PRKCE: variants seen among roughly 807,000 people sequenced by gnomAD.
PRKCE encodes the protein protein kinase C epsilon, also known as protein kinase C epsilon type.
A neutral mutation model predicts 85.4 loss-of-function variants in PRKCE; 16 were observed. The ratio of observed to expected loss-of-function variants is 0.19; its 90% CI spans 0.13 to 0.28. The LOEUF (loss-of-function observed/expected upper bound fraction) is 0.28. Among genes scored for constraint, PRKCE ranks in the 10% least tolerant of loss-of-function variants. The pLI, the probability that PRKCE is intolerant of heterozygous loss-of-function variation, is 1.00. For synonymous variants in PRKCE, 388 were observed against 371.5 expected (o/e 1.04, Z -0.51); for missense variants, 573 against 975.2 (o/e 0.59, Z 5.49).
chr2:46,009,045 G>A (rs147903156), intron 9 of PRKCE, among the ~76,000 whole-genome samples: 252 of 152,316 alleles, frequency 1.7e-3, no homozygotes, highest in African/African-American at 5.7e-3. Flanking sequence ...GTACTTAGGA[G>A]TTACTTATTT....
At chr2:45,904,333 G>A (rs1254218736) in intron 2 of PRKCE, among the ~76,000 whole-genome samples, 1 of 152,098 alleles carries the variant, frequency 6.6e-6, no homozygotes, top group Non-Finnish European at 1.5e-5. Flanking sequence ...CAAGTTCCCT[G>A]CCTGTGCTGA....
At chr2:46,156,914 C>A (rs547298130) in intron 13 of PRKCE, among the ~76,000 whole-genome samples, 2 of 152,198 alleles carry the variant, frequency 1.3e-5, no homozygotes, top group Non-Finnish European at 2.9e-5. Context: ...ATATATCCTT[C>A]TGGAATTTCT....
At chr2:45,752,401 C>G (rs943692761) in intron 1 of PRKCE, among the ~76,000 whole-genome samples, 1 of 152,152 alleles carries the variant, frequency 6.6e-6, no homozygotes, top group African/African-American at 2.4e-5. Context: ...GAACTGCTTG[C>G]CTTCCTCCCT....
At chr2:46,112,059 G>T (rs1479358370) in intron 11 of PRKCE, among the ~76,000 whole-genome samples, 2 of 152,132 alleles carry the variant, frequency 1.3e-5, no homozygotes, top group Non-Finnish European at 2.9e-5. Flanking sequence ...GCCTCTGTCA[G>T]TTTTGACACC....
At position 46,015,197 on chromosome 2, in the gene PRKCE, G is replaced by C. The variant is rs1706021950; in HGVS notation, c.1437+4680G>C. On this transcript the variant is annotated intron_variant, in intron 10 of 14. Transcript: ENST00000306156. ...TCCCATTCAGGCATTGACTACAAGG[G>C]ATAGGAGAACCACTGAGAGGTAGTT... Among the ~76,000 whole-genome samples, 3 of 152,066 alleles carry C rather than the reference G, an allele frequency of 2.0e-5. No individual in the cohort carries two copies. In the South Asian group the frequency reaches 6.2e-4, roughly 32 times the overall value.
rs188174532 is a variant in PRKCE, at chr2:46,046,605, C to T, written c.1437+36088C>T. 4.6e-5 allele frequency among the ~76,000 whole-genome samples: 7 copies of T among 152,290 alleles called. No individual in the cohort carries two copies. The East Asian group carries it at 1.2e-3, about 25-fold the overall frequency. On this transcript the variant is annotated intron_variant, in intron 10 of 14. Transcript: ENST00000306156. ...ATGTGGCATTTTTCTAATTAAGACA[C>T]GTTAAGATGGCTTAATTTTGGGTTC...
At chr2:45,796,645 G>A (rs979373944) in intron 1 of PRKCE, among the ~76,000 whole-genome samples, 1 of 152,138 alleles carries the variant, frequency 6.6e-6, no homozygotes, top group African/African-American at 2.4e-5. Context: ...CTGGGTACCT[G>A]GGGGGATGAA....
chr2:46,136,989 A>G (rs1311758263), intron 11 of PRKCE, among the ~76,000 whole-genome samples: 4 of 152,230 alleles, frequency 2.6e-5, no homozygotes, highest in Admixed American at 2.6e-4. Flanking sequence ...TTCAAAAATA[A>G]AAGGAGTTTT....
intron 10 of PRKCE, among the ~76,000 whole-genome samples, chr2:46,064,448 T>C (rs181838907): frequency 1.3e-5 from 2 of 152,306 alleles, no homozygotes; most frequent in Admixed American, 1.3e-4. Flanking sequence ...CAGATTTCCT[T>C]GCACTAATGG....
intron 14 of PRKCE, among the ~76,000 whole-genome samples, chr2:46,165,856 A>G (rs533415914): frequency 5.3e-5 from 8 of 152,310 alleles, no homozygotes; most frequent in African/African-American, 1.9e-4. Flanking sequence ...CCAGAAACCT[A>G]GTTGTCCTCA....
chr2:46,040,803 T>G (rs1708173666), intron 10 of PRKCE, among the ~76,000 whole-genome samples: 1 of 152,228 alleles, frequency 6.6e-6, no homozygotes, highest in Non-Finnish European at 1.5e-5. Flanking sequence ...AAAGACTTAC[T>G]AAGATTTCAT....
chr2:45,790,521 G>C (rs1201270434), intron 1 of PRKCE, among the ~76,000 whole-genome samples: 1 of 152,178 alleles, frequency 6.6e-6, no homozygotes, highest in East Asian at 1.9e-4. Flanking sequence ...ATGTGACTGA[G>C]TGGCTGCTCT....
chr2:45,821,094 G>A (rs1245511631), intron 1 of PRKCE, among the ~76,000 whole-genome samples: 3 of 152,112 alleles, frequency 2.0e-5, no homozygotes, highest in African/African-American at 7.2e-5. Flanking sequence ...GGACTTCCAA[G>A]GCTAGTCTGG....
At chr2:46,120,275 C>G (rs891474402) in intron 11 of PRKCE, among the ~76,000 whole-genome samples, 1 of 152,098 alleles carries the variant, frequency 6.6e-6, no homozygotes, top group Admixed American at 6.6e-5. Context: ...ATTTTACCTC[C>G]AGGGAAGATT....
chr2:46,051,070 A>C (rs1708828052), intron 10 of PRKCE, among the ~76,000 whole-genome samples: 2 of 152,232 alleles, frequency 1.3e-5, no homozygotes, highest in South Asian at 4.1e-4. Flanking sequence ...GGTGAGAGGA[A>C]TTAGCTTCCT....
At chr2:45,897,658 T>A (rs938853350) in intron 2 of PRKCE, among the ~76,000 whole-genome samples, 1 of 152,200 alleles carries the variant, frequency 6.6e-6, no homozygotes, top group Non-Finnish European at 1.5e-5. Context: ...GTGGCTTTCA[T>A]GACAGAGATT....
chr2:46,086,388 C>T, intron 11 of PRKCE, 26 bp downstream of exon 11: 1 of 1,588,014 alleles, frequency 6.3e-7, no homozygotes, highest in Non-Finnish European at 8.5e-7. Context: ...CTCCTCTTTC[C>T]TGAAAGTGAA....
chr2:45,720,138 G>C (rs1378013066), intron 1 of PRKCE, among the ~76,000 whole-genome samples: 3 of 152,216 alleles, frequency 2.0e-5, no homozygotes, highest in Non-Finnish European at 2.9e-5. Context: ...GGACAGAGAG[G>C]GAGGGAGAGG....
At chr2:45,876,168 T>C (rs1694464786) in intron 2 of PRKCE, among the ~76,000 whole-genome samples, 1 of 152,218 alleles carries the variant, frequency 6.6e-6, no homozygotes, top group South Asian at 2.1e-4. Context: ...CATCTCCCCT[T>C]ATTTCATTTT....
Sources: allele counts gnomAD v4.1 joint callset (sites outside exome capture counted in the v4.1 genomes callset), GRCh38; gene constraint gnomAD v4.1.1; transcripts MANE v1.5; gene names NCBI Gene and HGNC (gene_info 2026-07-23, HGNC 2026-07-21).